SEMA3A: variants seen among roughly 807,000 people sequenced by gnomAD.
SEMA3A encodes semaphorin-3A.
In SEMA3A, 29 loss-of-function variants were observed where a neutral mutation model predicts 97.9. The ratio of observed to expected loss-of-function variants is 0.30; its 90% CI spans 0.22 to 0.40. The LOEUF (loss-of-function observed/expected upper bound fraction) is 0.40, where lower values mean the gene tolerates loss of function less well. SEMA3A is among the 10% of genes least tolerant of loss of function. The pLI is 1.00. For synonymous variants in SEMA3A, 321 were observed against 323.7 expected, an observed-to-expected ratio of 0.99 and a Z score of 0.09; for missense variants, 763 against 951.3, an observed-to-expected ratio of 0.80 and a Z score of 2.60.
chr7:84,477,995 C>T lies in SEMA3A; in HGVS notation c.-246+14465G>A, dbSNP rs17159075. Among the ~76,000 whole-genome samples, 716 of 152,298 alleles carry T rather than the reference C, an allele frequency of 4.7e-3. 2 individuals are homozygous for T. The highest frequency in any genetic ancestry group is 7.7e-3 in the Non-Finnish European group (525 of 68,020). On this transcript the variant is annotated intron_variant, in intron 1 of 3. Coordinates refer to the SEMA3A transcript ENST00000424555. ...TAACTGTAAAATTCCAAATGAACAG[C>T]TAAGCAGCCTGGTGTTGAGGTAACA... is the stretch of plus-strand genomic sequence containing the variant.
intron 1 of SEMA3A, among the ~76,000 whole-genome samples, chr7:84,382,702 CA>C (rs377120252): frequency 0.23 from 17,569 of 77,848 alleles, 1,358 homozygotes; most frequent in Non-Finnish European, 0.28. Context: ...ACTAAAAATC[CA>C]AAAAAAAAAA....
At chr7:83,988,632 T>C (rs1789741854) in intron 12 of SEMA3A, among the ~76,000 whole-genome samples, 1 of 152,112 alleles carries the variant, frequency 6.6e-6, no homozygotes, top group Non-Finnish European at 1.5e-5. Context: ...AGGAGGTACA[T>C]TAATGTAATG....
intron 1 of SEMA3A, among the ~76,000 whole-genome samples, chr7:84,458,807 T>C (rs994417794): frequency 6.6e-6 from 1 of 152,258 alleles, no homozygotes; most frequent in African/African-American, 2.4e-5. Flanking sequence ...TTTTCTTTGT[T>C]TTGAGAACAT....
At chr7:84,059,721 C>T (rs1394387540) in intron 5 of SEMA3A, among the ~76,000 whole-genome samples, 4 of 144,140 alleles carry the variant, frequency 2.8e-5, no homozygotes, top group African/African-American at 1.0e-4. Flanking sequence ...AATCATGACC[C>T]AGAATTTTTT....
intron 1 of SEMA3A, among the ~76,000 whole-genome samples, chr7:84,376,368 C>G (rs982348666): frequency 8.7e-6 from 1 of 115,128 alleles, no homozygotes; most frequent in Non-Finnish European, 1.9e-5. Context: ...TTTGGGAGGC[C>G]AAGGCGGGCG....
chr7:84,166,109 G>A (rs556934065), intron 1 of SEMA3A, among the ~76,000 whole-genome samples: 1 of 151,878 alleles, frequency 6.6e-6, no homozygotes. Context: ...ACTCTCTCTT[G>A]AAAAAGTAAA....
intron 14 of SEMA3A, among the ~76,000 whole-genome samples, chr7:83,977,513 T>C (rs1326445156): frequency 1.3e-5 from 2 of 152,006 alleles, no homozygotes; most frequent in African/African-American, 4.8e-5. Context: ...AACAATCTAA[T>C]GTCTAGAAAC....
chr7:84,002,085 G>T, intron 11 of SEMA3A, 39 bp from the exon 12 acceptor site: 1 of 1,151,440 alleles, frequency 8.7e-7, no homozygotes, highest in South Asian at 1.3e-5. Flanking sequence ...AAGTTAAGTA[G>T]ATCTGAACAG....
intron 2 of SEMA3A, among the ~76,000 whole-genome samples, chr7:84,351,029 T>G (rs950462606): frequency 1.3e-5 from 2 of 149,822 alleles, no homozygotes; most frequent in Admixed American, 6.7e-5. Flanking sequence ...TTATATAAAC[T>G]TAGGGAAACA....
At chr7:84,469,960 G>A (rs1768962447) in intron 1 of SEMA3A, among the ~76,000 whole-genome samples, 1 of 151,574 alleles carries the variant, frequency 6.6e-6, no homozygotes, top group South Asian at 2.1e-4. Flanking sequence ...TAATGGTTAT[G>A]TGTTATTAGA....
At chr7:84,358,693 TG>T (rs1166809132) in intron 2 of SEMA3A, among the ~76,000 whole-genome samples, 2 of 152,132 alleles carry the variant, frequency 1.3e-5, no homozygotes, top group African/African-American at 4.8e-5. Context: ...TGTAGCTTGA[TG>T]GGGATGGCAT....
At chr7:83,993,418 G>C (rs928563418) in intron 12 of SEMA3A, among the ~76,000 whole-genome samples, 2 of 151,626 alleles carry the variant, frequency 1.3e-5, no homozygotes, top group East Asian at 1.9e-4. Context: ...TCTTGATGGT[G>C]TTTACATTTT....
intron 2 of SEMA3A, among the ~76,000 whole-genome samples, chr7:84,358,374 C>G (rs1802625492): frequency 6.6e-6 from 1 of 152,148 alleles, no homozygotes; most frequent in African/African-American, 2.4e-5. Flanking sequence ...GTTTTCCCAG[C>G]ACCATTTGTT....
intron 11 of SEMA3A, among the ~76,000 whole-genome samples, chr7:84,003,707 G>T (rs943926613): frequency 6.6e-6 from 1 of 152,126 alleles, no homozygotes; most frequent in Non-Finnish European, 1.5e-5. Context: ...AAAAAGGCAA[G>T]TGTGACATGA....
intron 3 of SEMA3A, among the ~76,000 whole-genome samples, chr7:84,115,098 G>C (rs1433288323): frequency 1.3e-5 from 2 of 151,954 alleles, no homozygotes; most frequent in African/African-American, 4.8e-5. Flanking sequence ...ATTTTTTAGA[G>C]ATTTGAAATA....
rs533832625 is a variant in SEMA3A at position 84,005,913 on chromosome 7, C to T, written c.1141-355G>A. Among the ~76,000 whole-genome samples the T allele has an allele frequency of 3.9e-5, 6 of 152,192 alleles. No individual in the cohort carries two copies. In the South Asian group the frequency reaches 1.2e-3, roughly 32 times the overall value. On this transcript the variant is annotated intron_variant, in intron 10 of 16. Transcript: ENST00000265362. ...GCAGTGAACTGAGATCATGCCACTGCACTGTAGCCTAAGCAATAGAACAAG... is the reference window on the plus strand; with the variant it reads ...GCAGTGAACTGAGATCATGCCACTGTACTGTAGCCTAAGCAATAGAACAAG...
intron 3 of SEMA3A, among the ~76,000 whole-genome samples, chr7:84,206,166 G>A (rs1798489812): frequency 6.6e-6 from 1 of 151,980 alleles, no homozygotes; most frequent in African/African-American, 2.4e-5. Context: ...TTACATGATT[G>A]ACACTATGGC....
chr7:83,956,108 A>G lies in SEMA3A; in HGVS notation c.*5263T>C, dbSNP rs1449927845. ...TGTTTAAAATAATAGGAGTCTGCCTATCAACTACATGTGCTGACCACACCT... is the reference window on the plus strand; with the variant it reads ...TGTTTAAAATAATAGGAGTCTGCCTGTCAACTACATGTGCTGACCACACCT... On this transcript the variant is annotated 3_prime_UTR_variant, in exon 17 of 17. Coordinates refer to ENST00000265362, the MANE Select transcript of SEMA3A (RefSeq NM_006080.3). 1 of 152,184 alleles carries G rather than the reference A, an allele frequency of 6.6e-6. No homozygotes were observed. Among genetic ancestry groups the G allele is most frequent in the Non-Finnish European group, 1.5e-5 (1 of 68,024 alleles). 9.4% of individuals were successfully genotyped at this position (152,184 alleles called of 1,614,324 possible).
At chr7:84,317,303 T>C (rs1213709211) in intron 2 of SEMA3A, among the ~76,000 whole-genome samples, 1 of 152,188 alleles carries the variant, frequency 6.6e-6, no homozygotes, top group African/African-American at 2.4e-5. Flanking sequence ...TCTCTGATTT[T>C]CTACAGATAA....
Sources: allele counts gnomAD v4.1 joint callset (sites outside exome capture counted in the v4.1 genomes callset), GRCh38; gene constraint gnomAD v4.1.1; transcripts MANE v1.5; gene names NCBI Gene and HGNC (gene_info 2026-07-23, HGNC 2026-07-21).